The following SGSM3 variants were observed in gnomAD, a reference collection of about 807,000 sequenced individuals.
SGSM3 encodes RUN and SH3 containing 3.
In SGSM3, 96 loss-of-function variants were observed where a neutral mutation model predicts 100.5. That is an observed-to-expected ratio of 0.96 (90% CI 0.81 to 1.13). The LOEUF (loss-of-function observed/expected upper bound fraction) is 1.13. Ranked by LOEUF, SGSM3 falls within the 50% of genes most tolerant of loss-of-function variation. The pLI is 0.00. For missense variants in SGSM3, 1,001 were observed against 1,015.8 expected, an observed-to-expected ratio of 0.99 and a Z score of 0.20; for synonymous variants, 483 against 422.8, an observed-to-expected ratio of 1.14 and a Z score of -1.75.
chr22:40,379,741 C>G (rs968619888), intron 1 of SGSM3, among the ~76,000 whole-genome samples: 1 of 152,144 alleles, frequency 6.6e-6, no homozygotes, highest in Non-Finnish European at 1.5e-5. Flanking sequence ...CAGGGTCTCA[C>G]TTTGTCACCC....
intron 1 of SGSM3, among the ~76,000 whole-genome samples, chr22:40,387,735 T>C (rs934168349): frequency 3.3e-5 from 5 of 152,158 alleles, no homozygotes; most frequent in Non-Finnish European, 7.3e-5. Context: ...TTCCTTATCC[T>C]TTCCGGAAAC....
chr22:40,406,580 C>G lies in SGSM3; in HGVS notation c.1103C>G (p.Thr368Ser). 6.2e-7 allele frequency: 1 copy of G among 1,612,964 alleles called. No homozygotes were observed. The highest frequency in any genetic ancestry group is 1.1e-5 in the South Asian group (1 of 91,038). ...AGSLTDVAVE[T>S]QRRKHLAYLI... ...TCCCTCACCGATGTGGCCGTGGAGA[C>G]TCAGCGCCGCAAGCACCTGGCCTAT... Residue 368 changes from threonine to serine, a missense_variant, in exon 10 of 22, where the codon ACT (threonine) becomes AGT (serine). Transcript: ENST00000248929.
intron 15 of SGSM3, 67 bp downstream of exon 15, chr22:40,408,187 T>C (rs866074455): frequency 1.2e-6 from 2 of 1,606,438 alleles, no homozygotes; most frequent in Middle Eastern, 3.3e-4. Flanking sequence ...GCCTAGCGAG[T>C]CCTGGCCTGT....
intron 8 of SGSM3, 80 bp downstream of exon 8, chr22:40,405,924 G>A: frequency 2.0e-6 from 3 of 1,489,846 alleles, no homozygotes; most frequent in Non-Finnish European, 2.7e-6. Context: ...ATAGGGCACA[G>A]CCCCCCAACC....
At position 40,386,288 on chromosome 22, in the gene SGSM3, C is replaced by T. The variant is rs1428621511; in HGVS notation, c.-111-14408C>T. Among the ~76,000 whole-genome samples the T allele has an allele frequency of 2.6e-5, 4 of 152,114 alleles. No homozygotes were observed. The East Asian group carries it at 7.7e-4, about 29-fold the overall frequency. On this transcript the variant is annotated intron_variant, in intron 1 of 21. Coordinates refer to ENST00000248929, the MANE Select transcript of SGSM3 (RefSeq NM_015705.6). ...CAACATGGGAGTGAAGTGTATGGAC[C>T]TGATTGTTGAAATCAGCATTATTAA... is the stretch of plus-strand genomic sequence containing the variant.
At chr22:40,377,537 A>T (rs1183619973) in intron 1 of SGSM3, among the ~76,000 whole-genome samples, 1 of 152,172 alleles carries the variant, frequency 6.6e-6, no homozygotes, top group Non-Finnish European at 1.5e-5. Flanking sequence ...AGGTCATGTC[A>T]TGTAAGAGTT....
At chr22:40,382,134 G>C (rs993609827) in intron 1 of SGSM3, among the ~76,000 whole-genome samples, 1 of 152,122 alleles carries the variant, frequency 6.6e-6, no homozygotes, top group Non-Finnish European at 1.5e-5. Flanking sequence ...TGCCTGCCAT[G>C]TGAGGTCAGG....
intron 1 of SGSM3, among the ~76,000 whole-genome samples, chr22:40,384,146 A>G (rs1315483366): frequency 2.0e-5 from 3 of 152,132 alleles, no homozygotes; most frequent in African/African-American, 7.2e-5. Flanking sequence ...CAGGAGGCTG[A>G]GGAGAGATGA....
chr22:40,373,152 T>A (rs1250087807), intron 1 of SGSM3, among the ~76,000 whole-genome samples: 1 of 152,226 alleles, frequency 6.6e-6, no homozygotes, highest in Non-Finnish European at 1.5e-5. Context: ...CAGACACTAG[T>A]TGTCACAGGT....
At chr22:40,389,697 C>A (rs1408919575) in intron 1 of SGSM3, among the ~76,000 whole-genome samples, 1 of 150,378 alleles carries the variant, frequency 6.6e-6, no homozygotes, top group Non-Finnish European at 1.5e-5. Flanking sequence ...CACCTGAGGT[C>A]AGGAGTTCGA....
chr22:40,407,234 A>T lies in SGSM3; in HGVS notation c.1274A>T (p.Asn425Ile). 6.2e-7 allele frequency: 1 copy of T among 1,613,668 alleles called. No homozygotes were observed. The highest frequency in any genetic ancestry group is 8.5e-7 in the Non-Finnish European group (1 of 1,180,016). The change falls in exon 12 of 22, where the codon AAC becomes ATC. Residue 425 changes from asparagine to isoleucine, a missense_variant. By Grantham distance (149) the Asn-to-Ile change is moderately radical. Transcript: ENST00000248929. The surrounding 1 kb of genome is among the most constrained non-coding windows in gnomAD (Gnocchi z 4.7). ...GACCTGGAGGCACTCAAGGCCAAGA[A>T]CATCAAGCAGACGGAACTGGTGGCT... ...EDDLEALKAKNIKQTELVADL... is the reference protein window; with the variant it reads ...EDDLEALKAKIIKQTELVADL...
intron 7 of SGSM3, 73 bp from the exon 8 acceptor site, chr22:40,405,576 C>G: frequency 1.4e-6 from 2 of 1,427,072 alleles, no homozygotes; most frequent in East Asian, 4.6e-5. Flanking sequence ...ATTGGTCTCC[C>G]TAGGGTAGGG....
chr22:40,401,749 TG>T (rs1476290789), intron 3 of SGSM3, 74 bp downstream of exon 3: 3 of 1,332,914 alleles, frequency 2.3e-6, no homozygotes, highest in Non-Finnish European at 2.1e-6. Flanking sequence ...CTCTGCAGGC[TG>T]CCCAGGAAGA....
In SGSM3 at chr22:40,405,250, A is replaced by C. The variant is rs1384438363; in HGVS notation, c.584A>C (p.Tyr195Ser). ...GTGCTCCGGGCCCTGGCCTGGCTCT[A>C]CCCAGAGATCGGCTACTGCCAGGGC... ...RRVLRALAWLYPEIGYCQGTG... is the reference protein window; with the variant it reads ...RRVLRALAWLSPEIGYCQGTG... Residue 195 changes from tyrosine to serine, a missense_variant, in exon 7 of 22, where the codon TAC (tyrosine) becomes TCC (serine). Physicochemically the swap from Tyr to Ser is moderately radical, Grantham distance 144. Coordinates refer to ENST00000248929, the MANE Select transcript of SGSM3 (RefSeq NM_015705.6). The C allele has an allele frequency of 6.5e-7, 1 of 1,543,618 alleles. No individual in the cohort carries two copies. Among genetic ancestry groups the C allele is most frequent in the East Asian group, 2.4e-5 (1 of 42,364 alleles).
intron 1 of SGSM3, among the ~76,000 whole-genome samples, chr22:40,397,945 C>G (rs1275376569): frequency 1.4e-5 from 2 of 145,412 alleles, no homozygotes; most frequent in Non-Finnish European, 3.0e-5. Context: ...CAATCTATTT[C>G]TGTGTTTATC....
chr22:40,384,584 T>TC (rs1399722631), intron 1 of SGSM3, among the ~76,000 whole-genome samples: 34 of 152,196 alleles, frequency 2.2e-4, no homozygotes, highest in African/African-American at 7.7e-4. Flanking sequence ...ATCGAGACCA[T>TC]CCTGGCTAAC....
At chr22:40,406,028 G>A (rs2051446301) in intron 8 of SGSM3, 50 bp from the exon 9 acceptor site, 1 of 1,596,596 alleles carries the variant, frequency 6.3e-7, no homozygotes, top group South Asian at 1.1e-5. Flanking sequence ...TTCCGGGGAG[G>A]GAGGTTTCCA....
intron 4 of SGSM3, 40 bp from the exon 5 acceptor site, chr22:40,404,207 G>A (rs777266981): frequency 1.3e-6 from 2 of 1,484,844 alleles, no homozygotes; most frequent in Non-Finnish European, 1.8e-6. Flanking sequence ...ACACGTAGTA[G>A]AGAATGCTTT....
chr22:40,408,542 G>A (rs542532300), intron 16 of SGSM3, 85 bp from the exon 17 acceptor site: 37 of 1,586,204 alleles, frequency 2.3e-5, no homozygotes, highest in Admixed American at 6.7e-5. Flanking sequence ...AGCTGGCAGC[G>A]TGGTGACAGG....
Sources: gnomAD v4.1 joint callset for allele counts (sites outside exome capture counted in the v4.1 genomes callset) on GRCh38, gnomAD v4.1.1 for gene constraint, Gnocchi (gnomAD v3.1) non-coding constraint, MANE v1.5 for transcripts, NCBI Gene and HGNC (gene_info 2026-07-23, HGNC 2026-07-21) for gene names.